Variants in MYO3A observed in about 807,000 individuals in gnomAD.
The protein encoded by MYO3A is myosin-IIIa.
In MYO3A, 180 loss-of-function variants were observed where a neutral mutation model predicts 192.7. That is an observed-to-expected ratio of 0.93 (90% CI 0.83 to 1.06). MYO3A has a LOEUF of 1.06. MYO3A is among the 50% of genes least tolerant of loss of function. The probability of loss-of-function intolerance (pLI) is 0.00; values close to 1 mark genes in which losing one functional copy is unlikely to be tolerated. For missense variants in MYO3A, 1,896 were observed against 1,905.0 expected, an observed-to-expected ratio of 1.00 and a Z score of 0.09; for synonymous variants, 628 against 645.3, an observed-to-expected ratio of 0.97 and a Z score of 0.41.
intron 17 of MYO3A, among the ~76,000 whole-genome samples, chr10:26,104,866 T>TACACAC (rs60219721): frequency 2.5e-3 from 370 of 148,130 alleles, no homozygotes; most frequent in Middle Eastern, 0.01. Context: ...TGTTTATAGA[T>TACACAC]ACACACACAC....
chr10:26,028,148 A>G (rs952374041), intron 10 of MYO3A, among the ~76,000 whole-genome samples: 1 of 152,200 alleles, frequency 6.6e-6, no homozygotes, highest in African/African-American at 2.4e-5. Context: ...TCATTATGTT[A>G]TCTCATGTGA....
At chr10:25,994,846 T>C (rs1018852931) in intron 4 of MYO3A, among the ~76,000 whole-genome samples, 6 of 152,276 alleles carry the variant, frequency 3.9e-5, no homozygotes, top group Admixed American at 3.3e-4. Context: ...CCCCCACTCT[T>C]TTCTGGCTTG....
intron 26 of MYO3A, among the ~76,000 whole-genome samples, chr10:26,165,517 C>G (rs1377833176): frequency 6.6e-6 from 1 of 152,124 alleles, no homozygotes; most frequent in Non-Finnish European, 1.5e-5. Flanking sequence ...CTTTCCTTCC[C>G]TCGATTATGG....
At chr10:26,153,774 A>G (rs1373706010) in intron 23 of MYO3A, 76 bp from the exon 24 acceptor site, 1 of 978,458 alleles carries the variant, frequency 1.0e-6, no homozygotes, top group Non-Finnish European at 1.6e-6. Context: ...TTATTTTAAC[A>G]TTTAAGTAAA....
At position 25,952,389 on chromosome 10, in the gene MYO3A, T is replaced by C. The variant is rs770456078; in HGVS notation, c.168+111T>C. Reference sequence around the variant, plus strand: ...ATCACAATAGCAGTCTAAAACAGGTTACAATTTGAAGATAAATGTAAAAGA... The same window carrying C: ...ATCACAATAGCAGTCTAAAACAGGTCACAATTTGAAGATAAATGTAAAAGA... On this transcript the variant is annotated intron_variant, in intron 3 of 34. Transcript: ENST00000642920. 133 of 1,213,610 alleles carry C rather than the reference T, an allele frequency of 1.1e-4. 1 individual carries two copies. Among genetic ancestry groups the C allele is most frequent in the Non-Finnish European group, 1.4e-4 (125 of 868,940 alleles). 75.2% of individuals were successfully genotyped at this position (1,213,610 alleles called of 1,614,324 possible).
At chr10:25,995,553 C>T (rs571589654) in intron 4 of MYO3A, among the ~76,000 whole-genome samples, 5 of 152,328 alleles carry the variant, frequency 3.3e-5, no homozygotes, top group Admixed American at 6.5e-5. Context: ...TGAGGAGCTG[C>T]GTTCCTTTGG....
intron 18 of MYO3A, among the ~76,000 whole-genome samples, chr10:26,122,629 C>T (rs190485805): frequency 6.6e-6 from 1 of 152,258 alleles, no homozygotes; most frequent in African/African-American, 2.4e-5. Flanking sequence ...TCATTCTCCA[C>T]AATTCTTTCA....
intron 4 of MYO3A, among the ~76,000 whole-genome samples, chr10:25,962,934 C>G (rs773372206): frequency 1.3e-5 from 2 of 152,168 alleles, no homozygotes; most frequent in Non-Finnish European, 2.9e-5. Flanking sequence ...CTGGGCTTCT[C>G]TCTCAGGAGC....
chr10:25,942,528 C>T (rs1836564976), intron 2 of MYO3A, among the ~76,000 whole-genome samples: 1 of 152,222 alleles, frequency 6.6e-6, no homozygotes, highest in African/African-American at 2.4e-5. Context: ...CTATTTTCCT[C>T]AGCAGCTGCA....
chr10:26,081,704 G>T (rs1234323857), intron 14 of MYO3A, among the ~76,000 whole-genome samples: 1 of 152,160 alleles, frequency 6.6e-6, no homozygotes, highest in Admixed American at 6.5e-5. Context: ...GGAGTGGCCT[G>T]CTAGGGGACC....
At chr10:26,207,403 A>G (rs1345457374) in intron 34 of MYO3A, among the ~76,000 whole-genome samples, 1 of 152,128 alleles carries the variant, frequency 6.6e-6, no homozygotes, top group Non-Finnish European at 1.5e-5. Context: ...TTCATGTCTA[A>G]TGTTTAAGTC....
At chr10:26,116,964 CCATAGAT>C (rs1838543617) in intron 17 of MYO3A, among the ~76,000 whole-genome samples, 1 of 152,198 alleles carries the variant, frequency 6.6e-6, no homozygotes, top group Non-Finnish European at 1.5e-5. Flanking sequence ...TTAATCCAAG[CCATAGAT>C]CTGGGTCTGT....
At chr10:26,144,645 G>A (rs571344825) in intron 21 of MYO3A, among the ~76,000 whole-genome samples, 59 of 152,236 alleles carry the variant, frequency 3.9e-4, no homozygotes, top group Non-Finnish European at 8.2e-4. Context: ...TCTACAAGTA[G>A]AAAAGAGAGC....
At chr10:26,091,846 G>A (rs181039283) in intron 15 of MYO3A, among the ~76,000 whole-genome samples, 11 of 152,338 alleles carry the variant, frequency 7.2e-5, no homozygotes, top group African/African-American at 2.4e-4. Flanking sequence ...CACCATTCAT[G>A]CATCCATCCA....
At chr10:25,981,980 C>T (rs946420240) in intron 4 of MYO3A, among the ~76,000 whole-genome samples, 8 of 152,136 alleles carry the variant, frequency 5.3e-5, no homozygotes, top group South Asian at 2.1e-4. Context: ...TGGGGAGGCT[C>T]GTAGTCTGGG....
At chr10:26,047,864 G>A (rs1298135793) in intron 10 of MYO3A, among the ~76,000 whole-genome samples, 2 of 151,154 alleles carry the variant, frequency 1.3e-5, no homozygotes, top group Admixed American at 6.6e-5. Context: ...CGGACACTGA[G>A]TACGGATGAT....
At chr10:25,988,983 C>T (rs968382255) in intron 4 of MYO3A, among the ~76,000 whole-genome samples, 1 of 133,844 alleles carries the variant, frequency 7.5e-6, no homozygotes, top group Non-Finnish European at 1.6e-5. Flanking sequence ...GAGACAGCGT[C>T]TCGCTCTGTC....
intron 34 of MYO3A, among the ~76,000 whole-genome samples, chr10:26,207,463 T>A (rs558245257): frequency 6.6e-6 from 1 of 152,368 alleles, no homozygotes; most frequent in South Asian, 2.1e-4. Context: ...TATTTGTAAG[T>A]GAGATAACAA....
intron 2 of MYO3A, among the ~76,000 whole-genome samples, chr10:25,947,461 T>G (rs942836923): frequency 4.7e-5 from 7 of 148,722 alleles, no homozygotes; most frequent in African/African-American, 1.8e-4. Flanking sequence ...TGGCATGACC[T>G]TGGCTCACTG....
Sources: gnomAD v4.1 joint callset for allele counts (sites outside exome capture counted in the v4.1 genomes callset) on GRCh38, gnomAD v4.1.1 for gene constraint, MANE v1.5 for transcripts, NCBI Gene and HGNC (gene_info 2026-07-23, HGNC 2026-07-21) for gene names.